RUNX2: variants seen among roughly 807,000 people sequenced by gnomAD.
The protein encoded by RUNX2 is RUNX family transcription factor 2.
A neutral mutation model predicts 51.7 loss-of-function variants in RUNX2; 10 were observed. That is an observed-to-expected ratio of 0.19 (90% CI 0.12 to 0.33). The LOEUF (loss-of-function observed/expected upper bound fraction) is 0.33, where lower values mean the gene tolerates loss of function less well. Ranked by LOEUF, RUNX2 falls within the 10% of genes least tolerant of loss-of-function variation. The probability of loss-of-function intolerance (pLI) is 1.00; values close to 1 mark genes in which losing one functional copy is unlikely to be tolerated. For synonymous variants in RUNX2, 276 were observed against 273.6 expected (o/e 1.01, Z -0.09); for missense variants, 562 against 691.3 (o/e 0.81, Z 2.10).
At chr6:45,330,912 C>T (rs73735375) in intron 2 of RUNX2, among the ~76,000 whole-genome samples, 22,732 of 151,848 alleles carry the variant, frequency 0.15, 1,919 homozygotes, top group East Asian at 0.26. Flanking sequence ...TTTCCCCATT[C>T]TATAATCTAT....
chr6:45,527,573 A>G (rs1021056060), intron 7 of RUNX2, among the ~76,000 whole-genome samples: 1 of 152,220 alleles, frequency 6.6e-6, no homozygotes, highest in African/African-American at 2.4e-5. Context: ...CTTTAAAAGG[A>G]ATAATATTGC....
intron 4 of RUNX2, among the ~76,000 whole-genome samples, chr6:45,436,037 C>T (rs2677108): frequency 0.56 from 84,694 of 151,974 alleles, 24,429 homozygotes; most frequent in South Asian, 0.79. Context: ...AGTCTTAACG[C>T]TTATAATAAA....
chr6:45,428,537 AT>A (rs915949536), intron 3 of RUNX2, among the ~76,000 whole-genome samples: 10 of 151,884 alleles, frequency 6.6e-5, no homozygotes, highest in African/African-American at 1.7e-4. Flanking sequence ...TTGCATTAGC[AT>A]TTTTTTTCAG....
At chr6:45,333,461 T>C (rs1250188540) in intron 2 of RUNX2, among the ~76,000 whole-genome samples, 2 of 151,516 alleles carry the variant, frequency 1.3e-5, no homozygotes, top group Admixed American at 6.6e-5. Context: ...TTTCCTCCCC[T>C]TTATACTATT....
chr6:45,487,820 ATGAGACT>A (rs1218248587), intron 5 of RUNX2, among the ~76,000 whole-genome samples: 3 of 152,198 alleles, frequency 2.0e-5, no homozygotes, highest in Non-Finnish European at 4.4e-5. Flanking sequence ...GCTCATTCTC[ATGAGACT>A]TACAGTCTTA....
chr6:45,470,991 G>C (rs967425219), intron 5 of RUNX2, among the ~76,000 whole-genome samples: 1 of 152,186 alleles, frequency 6.6e-6, no homozygotes, highest in African/African-American at 2.4e-5. Context: ...TTTGACAAAA[G>C]CTTACATAAT....
At position 45,452,222 on chromosome 6, in the gene RUNX2, G is replaced by A. The variant is rs575228501; in HGVS notation, c.685+14171G>A. Among the ~76,000 whole-genome samples the A allele has an allele frequency of 3.9e-5, 6 of 152,330 alleles. No individual in the cohort carries two copies. The East Asian group carries it at 1.2e-3, about 29-fold the overall frequency. ...AAAAACATTTCCAGGTGACACCAAA[G>A]TTCGTATAACCTGGAGCTTGAGTGA... On this transcript the variant is annotated intron_variant, in intron 5 of 8. Coordinates refer to ENST00000647337, the MANE Select transcript of RUNX2 (RefSeq NM_001024630.4).
At chr6:45,412,703 A>G (rs1158160728) in intron 2 of RUNX2, among the ~76,000 whole-genome samples, 1 of 151,364 alleles carries the variant, frequency 6.6e-6, no homozygotes, top group Non-Finnish European at 1.5e-5. Context: ...GTAAAAGTTT[A>G]CCTTCATAGT....
chr6:45,365,545 C>T (rs1231472318), intron 2 of RUNX2, among the ~76,000 whole-genome samples: 5 of 151,132 alleles, frequency 3.3e-5, no homozygotes, highest in African/African-American at 1.2e-4. Flanking sequence ...ACTTTAGCAC[C>T]TATTTTACAA....
At chr6:45,417,557 C>A (rs756041077) in intron 2 of RUNX2, among the ~76,000 whole-genome samples, 1 of 152,192 alleles carries the variant, frequency 6.6e-6, no homozygotes, top group Non-Finnish European at 1.5e-5. Context: ...ATTCCAGTAT[C>A]TTTATAAAAT....
At chr6:45,448,362 G>A (rs547547199) in intron 5 of RUNX2, among the ~76,000 whole-genome samples, 5 of 152,314 alleles carry the variant, frequency 3.3e-5, no homozygotes, top group East Asian at 1.9e-4. Context: ...GTGTCCACAC[G>A]TTTCTGTCAT....
intron 3 of RUNX2, among the ~76,000 whole-genome samples, chr6:45,426,382 G>A (rs932586680): frequency 2.0e-5 from 3 of 152,210 alleles, no homozygotes; most frequent in Non-Finnish European, 4.4e-5. Flanking sequence ...TGACAAAGAA[G>A]TAATTTGCAA....
chr6:45,342,680 TA>T (rs1446335742), intron 2 of RUNX2, among the ~76,000 whole-genome samples: 3 of 152,154 alleles, frequency 2.0e-5, no homozygotes, highest in African/African-American at 7.2e-5. Flanking sequence ...TATTTGCCAA[TA>T]TTTTTCAATT....
chr6:45,403,553 A>G (rs1178979995), intron 2 of RUNX2, among the ~76,000 whole-genome samples: 1 of 152,064 alleles, frequency 6.6e-6, no homozygotes, highest in Non-Finnish European at 1.5e-5. Context: ...TTTAATTAAC[A>G]TAGATGTGTT....
intron 2 of RUNX2, among the ~76,000 whole-genome samples, chr6:45,340,508 G>C (rs1323167914): frequency 6.6e-6 from 1 of 151,976 alleles, no homozygotes; most frequent in African/African-American, 2.4e-5. Flanking sequence ...ATTTTTTGTA[G>C]AGACAGGTTT....
rs1253115583 is a variant in RUNX2 at position 45,480,363 on chromosome 6, A to C, written c.686-11578A>C. 6.6e-5 allele frequency among the ~76,000 whole-genome samples: 10 copies of C among 152,178 alleles called. No homozygotes were observed. In the East Asian group the frequency reaches 1.9e-3, roughly 29 times the overall value. Reference sequence around the variant, plus strand: ...ATTTTTCAGTTCTTTACCCATCTGAATTTTATTAGGGGGGTTATTTCAAAG... The same window carrying C: ...ATTTTTCAGTTCTTTACCCATCTGACTTTTATTAGGGGGGTTATTTCAAAG... On this transcript the variant is annotated intron_variant, in intron 5 of 8. Transcript: ENST00000647337.
At chr6:45,334,917 A>G (rs7757282) in intron 2 of RUNX2, among the ~76,000 whole-genome samples, 56,904 of 150,972 alleles carry the variant, frequency 0.38, 11,421 homozygotes, top group Non-Finnish European at 0.45. Flanking sequence ...AATCAATCTT[A>G]TAAAATCCAA....
chr6:45,335,516 AC>A (rs1788372031), intron 2 of RUNX2, among the ~76,000 whole-genome samples: 1 of 151,456 alleles, frequency 6.6e-6, no homozygotes. Flanking sequence ...TCATTAAAAT[AC>A]ATTTTTTTAG....
chr6:45,433,422 A>T (rs962687352), intron 4 of RUNX2, among the ~76,000 whole-genome samples: 12 of 152,280 alleles, frequency 7.9e-5, no homozygotes, highest in Non-Finnish European at 1.8e-4. Flanking sequence ...AGTTAGAATC[A>T]AGAAAAATGT....
Sources: allele counts gnomAD v4.1 joint callset (sites outside exome capture counted in the v4.1 genomes callset), GRCh38; gene constraint gnomAD v4.1.1; transcripts MANE v1.5; gene names NCBI Gene and HGNC (gene_info 2026-07-23, HGNC 2026-07-21).